The following MAX variants were observed in gnomAD, a reference collection of about 807,000 sequenced individuals.
The protein encoded by MAX is MYC associated transcriptional regulator X, also known as protein max.
A neutral mutation model predicts 22.3 loss-of-function variants in MAX; 3 were observed. That is an observed-to-expected ratio of 0.13 (90% confidence interval 0.06 to 0.35). The LOEUF (loss-of-function observed/expected upper bound fraction) is 0.35, where lower values mean the gene tolerates loss of function less well. Among genes scored for constraint, MAX ranks in the 10% least tolerant of loss-of-function variants. MAX has a pLI of 1.00. For missense variants in MAX, 119 were observed against 209.4 expected (o/e 0.57, Z 2.66); for synonymous variants, 72 against 77.7 (o/e 0.93, Z 0.39).
At chr14:65,072,265 T>C (rs1362177533), downstream of MAX, among the ~76,000 whole-genome samples, 2 of 152,150 alleles carry the variant, frequency 1.3e-5, no homozygotes, top group Non-Finnish European at 1.5e-5. Context: ...CCCATGTCAT[T>C]ACCCCTGCTT....
Position 65,012,470 on chromosome 14 carries a change from G to T in MAX, c.172-6186C>A. On this transcript the variant is annotated intron_variant, in intron 3 of 3. Coordinates refer to the MAX transcript ENST00000341653. This position sits in a 1 kb window ranked among gnomAD's most constrained non-coding sequence, Gnocchi z 5.0. ...TTTTTCTATTTAAACGTAAAAGACT[G>T]TTGGGGCTGACCTGTTGCAGAGTCA... 1 of 1,567,482 alleles carries T rather than the reference G, an allele frequency of 6.4e-7. No homozygotes were observed. Among genetic ancestry groups the T allele is most frequent in the East Asian group, 2.3e-5 (1 of 43,484 alleles).
At chr14:65,008,074 TG>T (rs1245664785) in intron 3 of MAX, among the ~76,000 whole-genome samples, 6 of 152,344 alleles carry the variant, frequency 3.9e-5, no homozygotes, top group African/African-American at 1.2e-4. Flanking sequence ...AGGTAGAGGA[TG>T]TATTCCCTTC....
At chr14:65,045,142 T>G (rs1266557578) in intron 3 of MAX, among the ~76,000 whole-genome samples, 1 of 152,090 alleles carries the variant, frequency 6.6e-6, no homozygotes, top group Non-Finnish European at 1.5e-5. Context: ...CTCTATCTCT[T>G]GAAACCTCAG....
chr14:65,036,755 G>T (rs36045499), intron 3 of MAX, among the ~76,000 whole-genome samples: 1 of 151,862 alleles, frequency 6.6e-6, no homozygotes, highest in East Asian at 1.9e-4. Flanking sequence ...GTGCAGTGGC[G>T]TAATCTCAGC....
rs1327840629 is a variant in MAX, at chr14:65,082,174, C to T, written c.172-4138G>A. On this transcript the variant is annotated intron_variant, in intron 3 of 4. Transcript: ENST00000358664. This position sits in a 1 kb window ranked among gnomAD's most constrained non-coding sequence, Gnocchi z 4.8. ...GTTGAGTCAGGATTTGAATCCAAGC[C>T]TCCAGGACACTCATACTTTGGGAAC... 1.3e-5 allele frequency: 2 copies of T among 152,050 alleles called. No homozygotes were observed. The highest frequency in any genetic ancestry group is 1.5e-5 in the Non-Finnish European group (1 of 68,012). The allele number at this position is 152,050 out of a possible 1,614,324, so 9.4% of individuals were successfully genotyped here.
intron 2 of MAX, among the ~76,000 whole-genome samples, chr14:65,095,838 G>A (rs1329404565): frequency 6.6e-6 from 1 of 152,150 alleles, no homozygotes; most frequent in African/African-American, 2.4e-5. Flanking sequence ...CTAATTGTCT[G>A]TTTTCTTTCT....
intron 3 of MAX, among the ~76,000 whole-genome samples, chr14:65,049,620 T>G (rs1278999724): frequency 6.6e-6 from 1 of 152,188 alleles, no homozygotes; most frequent in African/African-American, 2.4e-5. Context: ...AGTCTATAGT[T>G]TTTTATATAA....
At position 65,040,883 on chromosome 14, in the gene MAX, C is replaced by T. The variant is rs530614536; in HGVS notation, c.172-34599G>A. 8 of 1,613,948 alleles carry T rather than the reference C, an allele frequency of 5.0e-6. No individual in the cohort carries two copies. The African/African-American group carries it at 5.3e-5, about 11-fold the overall frequency. On this transcript the variant is annotated intron_variant, in intron 3 of 3. Coordinates refer to the MAX transcript ENST00000341653. ...GTGGCCTGGCCGCGCTGGTAATCCT[C>T]AAGAGGGAACGTTCCTTGAACTTGA...
Position 65,078,110 on chromosome 14 carries a change from A to G in MAX, c.172-74T>C, listed in dbSNP as rs1381062236. On this transcript the variant is annotated intron_variant, in intron 3 of 4. Coordinates refer to ENST00000358664, the MANE Select transcript of MAX (RefSeq NM_002382.5). The surrounding 1 kb of genome is among the most constrained non-coding windows in gnomAD (Gnocchi z 6.4). The stretch of plus-strand genomic sequence containing the variant: ...CAGGCAGTGAGGGAACCTGGCCTGC[A>G]GCAACTGCTTGGGTGGCTGGAAACG... The G allele has an allele frequency of 6.3e-7, 1 of 1,576,306 alleles. No homozygotes were observed. Among genetic ancestry groups the G allele is most frequent in the Middle Eastern group, 1.7e-4 (1 of 5,990 alleles).
chr14:65,080,267 T>C (rs555859526), intron 3 of MAX, among the ~76,000 whole-genome samples: 2 of 152,346 alleles, frequency 1.3e-5, no homozygotes, highest in South Asian at 4.1e-4. Flanking sequence ...AAAAGTGAGA[T>C]GCGTTTCTTT....
chr14:65,075,165 A>G lies in MAX; in HGVS notation c.*1311T>C. On this transcript the variant is annotated 3_prime_UTR_variant, in exon 5 of 5. Transcript: ENST00000358664. The surrounding 1 kb of genome is among the most constrained non-coding windows in gnomAD (Gnocchi z 4.1). ...GTTTTTATTTATAGTCTTATAGTAA[A>G]GGGGGAAGCCTTAACTTGCAAGACA... 1.9e-6 allele frequency: 2 copies of G among 1,031,762 alleles called. No individual in the cohort carries two copies. The highest frequency in any genetic ancestry group is 2.3e-6 in the Non-Finnish European group (2 of 858,072). 63.9% of individuals were successfully genotyped at this position (1,031,762 alleles called of 1,614,324 possible). A position where few individuals can be genotyped will look rare whatever the true frequency, so the allele number is the denominator to read the frequency against.
At chr14:65,045,936 T>G (rs2062466978) in intron 3 of MAX, among the ~76,000 whole-genome samples, 1 of 152,218 alleles carries the variant, frequency 6.6e-6, no homozygotes, top group African/African-American at 2.4e-5. Context: ...AGTCTCTGCC[T>G]TGACCACCAG....
rs1053430502 is a variant in MAX, at chr14:65,007,260, G to C, written c.172-976C>G. Among the ~76,000 whole-genome samples, 1 of 152,174 alleles carries C rather than the reference G, an allele frequency of 6.6e-6. No individual in the cohort carries two copies. Among genetic ancestry groups the C allele is most frequent in the African/African-American group, 2.4e-5 (1 of 41,432 alleles). On this transcript the variant is annotated intron_variant, in intron 3 of 3. Transcript: ENST00000341653. The surrounding 1 kb of genome is among the most constrained non-coding windows in gnomAD (Gnocchi z 4.9). ...AGTCTCAATATTTAACATATTAATAGTCAAAATTTAAAAGTCTGACACTTT... is the reference window on the plus strand; with the variant it reads ...AGTCTCAATATTTAACATATTAATACTCAAAATTTAAAAGTCTGACACTTT...
intron 3 of MAX, chr14:65,040,988 C>T: frequency 1.3e-6 from 2 of 1,580,774 alleles, no homozygotes; most frequent in South Asian, 1.1e-5. Context: ...CTCAGACATG[C>T]AGGCTTCAGG....
chr14:65,063,956 A>G (rs1212385936), intron 3 of MAX, among the ~76,000 whole-genome samples: 1 of 152,186 alleles, frequency 6.6e-6, no homozygotes, highest in East Asian at 1.9e-4. Flanking sequence ...AATAAACACA[A>G]AACTAATACA....
At chr14:65,057,081 C>T (rs2062752457) in intron 3 of MAX, among the ~76,000 whole-genome samples, 1 of 152,174 alleles carries the variant, frequency 6.6e-6, no homozygotes, top group African/African-American at 2.4e-5. Context: ...AGAGTGAGAG[C>T]TCACGCACTA....
rs1436460329 is a variant in MAX at position 65,077,660 on chromosome 14, G to C, written c.295+253C>G. 6.9e-7 allele frequency: 1 copy of C among 1,457,754 alleles called. No individual in the cohort carries two copies. The highest frequency in any genetic ancestry group is 2.0e-5 in the Admixed American group (1 of 50,538). 90.3% of individuals were successfully genotyped at this position (1,457,754 alleles called of 1,614,324 possible). A position where few individuals can be genotyped will look rare whatever the true frequency, so the allele number is the denominator to read the frequency against. On this transcript the variant is annotated intron_variant, in intron 4 of 4. Transcript: ENST00000358664. The surrounding 1 kb of genome is among the most constrained non-coding windows in gnomAD (Gnocchi z 6.3). ...GCAGAGCACCTGAGCCCCAAGAAGG[G>C]GAGAGGTCAGGCCAGAAAAGATACA...
intron 3 of MAX, among the ~76,000 whole-genome samples, chr14:65,049,381 C>T (rs1172329936): frequency 1.3e-5 from 2 of 152,070 alleles, no homozygotes; most frequent in South Asian, 2.1e-4. Context: ...ATAAAAGGAA[C>T]CTTTGAAATG....
rs1233300849 is a variant in MAX, at chr14:65,012,928, G to A, written c.172-6644C>T. Among the ~76,000 whole-genome samples the A allele has an allele frequency of 6.6e-6, 1 of 152,110 alleles. No individual in the cohort carries two copies. The highest frequency in any genetic ancestry group is 2.4e-5 in the African/African-American group (1 of 41,410). ...GACTAGAGGACCAGTATAGAGAGTG[G>A]TCCTTGCAATTTAACATTACTGTTT... On this transcript the variant is annotated intron_variant, in intron 3 of 3. Coordinates refer to the MAX transcript ENST00000341653. This position sits in a 1 kb window ranked among gnomAD's most constrained non-coding sequence, Gnocchi z 5.0.
Sources: allele counts gnomAD v4.1 joint callset (sites outside exome capture counted in the v4.1 genomes callset), GRCh38; gene constraint gnomAD v4.1.1; non-coding constraint Gnocchi (gnomAD v3.1); transcripts MANE v1.5; gene names NCBI Gene and HGNC (gene_info 2026-07-23, HGNC 2026-07-21).